Variants in RGS6 observed in about 807,000 individuals in gnomAD.
RGS6 encodes the protein regulator of G protein signaling 6, also known as regulator of G-protein signaling 6.
A neutral mutation model predicts 78.5 loss-of-function variants in RGS6; 30 were observed. The observed-to-expected ratio is 0.38, with a 90% CI of 0.29 to 0.52. The LOEUF is 0.52. Ranked by LOEUF, RGS6 falls within the 20% of genes least tolerant of loss-of-function variation. The probability of loss-of-function intolerance (pLI) is 0.85; values close to 1 mark genes in which losing one functional copy is unlikely to be tolerated. For missense variants in RGS6, 495 were observed against 609.7 expected (o/e 0.81, Z 1.98); for synonymous variants, 206 against 206.0 (o/e 1.00, Z 0.00).
chr14:72,208,051 G>C (rs2043113752), intron 2 of RGS6, among the ~76,000 whole-genome samples: 1 of 152,138 alleles, frequency 6.6e-6, no homozygotes, highest in Admixed American at 6.5e-5. Flanking sequence ...GTTGAAGTTG[G>C]TTCTACCCTC....
the RGS6 span, among the ~76,000 whole-genome samples, chr14:71,884,365 G>A: frequency 2.6e-5 from 4 of 152,238 alleles, no homozygotes; most frequent in Non-Finnish European, 5.9e-5. Context: ...AGCACAAAGT[G>A]TCTTAAGCCT....
At chr14:71,894,671 T>A in the RGS6 span, among the ~76,000 whole-genome samples, 5 of 152,238 alleles carry the variant, frequency 3.3e-5, no homozygotes, top group African/African-American at 1.2e-4. Context: ...TTGAGTGAAC[T>A]TTTCAGGAAA....
chr14:71,903,318 C>A, the RGS6 span, among the ~76,000 whole-genome samples: 2 of 152,212 alleles, frequency 1.3e-5, no homozygotes, highest in Admixed American at 1.3e-4. Context: ...TCATCTCCCT[C>A]TTCCTGGCAC....
chr14:72,474,285 C>G (rs1471853721), intron 9 of RGS6, among the ~76,000 whole-genome samples: 1 of 148,938 alleles, frequency 6.7e-6, no homozygotes, highest in African/African-American at 2.6e-5. Context: ...AAATAAATAG[C>G]TACTCATCCT....
In RGS6 at chr14:72,383,213, T is replaced by TATATATATATATATAC. The variant is rs1387301746; in HGVS notation, c.184+31020_184+31021insTATATATATATATACA. Among the ~76,000 whole-genome samples, 85 of 118,310 alleles carry TATATATATATATATAC rather than the reference T, an allele frequency of 7.2e-4. 8 individuals are homozygous for TATATATATATATATAC. The highest frequency in any genetic ancestry group is 1.8e-3 in the South Asian group (6 of 3,348). 77.6% of individuals were successfully genotyped at this position (118,310 alleles called of 152,430 possible). A position where few individuals can be genotyped will look rare whatever the true frequency, so the allele number is the denominator to read the frequency against. ...ATATATATATATATATATATATATA[T>TATATATATATATATAC]ACACACAAACACACTAGTATGTGTG... On this transcript the variant is annotated intron_variant, in intron 3 of 17. Transcript: ENST00000553525.
intron 14 of RGS6, among the ~76,000 whole-genome samples, chr14:72,514,287 G>A (rs561247430): frequency 1.3e-5 from 2 of 152,232 alleles, no homozygotes; most frequent in South Asian, 2.1e-4. Flanking sequence ...TTTTTCTCTG[G>A]GAGCGAACCA....
intron 2 of RGS6, among the ~76,000 whole-genome samples, chr14:72,011,381 C>T (rs1330116653): frequency 2.0e-5 from 3 of 152,138 alleles, no homozygotes; most frequent in Non-Finnish European, 4.4e-5. Flanking sequence ...ATTTGAAAGC[C>T]TCCGATGACT....
intron 2 of RGS6, among the ~76,000 whole-genome samples, chr14:72,145,431 G>A (rs560818449): frequency 6.6e-6 from 1 of 152,278 alleles, no homozygotes; most frequent in South Asian, 2.1e-4. Context: ...AAACAAGATG[G>A]AGTAGGTTAG....
At chr14:72,396,001 A>T (rs1425283405) in intron 3 of RGS6, among the ~76,000 whole-genome samples, 2 of 152,124 alleles carry the variant, frequency 1.3e-5, no homozygotes, top group Admixed American at 1.3e-4. Context: ...ATACGTGAGC[A>T]TGTGTCTTTA....
At chr14:72,575,269 G>T in the RGS6 span, among the ~76,000 whole-genome samples, 1 of 152,136 alleles carries the variant, frequency 6.6e-6, no homozygotes, top group Non-Finnish European at 1.5e-5. Flanking sequence ...GATGGAGAAG[G>T]TGAGGGCCCT....
chr14:72,332,216 C>T (rs1252797640), intron 2 of RGS6, among the ~76,000 whole-genome samples: 1 of 152,178 alleles, frequency 6.6e-6, no homozygotes, highest in African/African-American at 2.4e-5. Context: ...GAACTAAGCT[C>T]CTCCCAGCTC....
chr14:71,948,963 C>A (rs1300907936), intron 1 of RGS6, among the ~76,000 whole-genome samples: 1 of 152,006 alleles, frequency 6.6e-6, no homozygotes, highest in Admixed American at 6.6e-5. Flanking sequence ...TCCTTATGCA[C>A]AACATTGTTT....
the RGS6 span, among the ~76,000 whole-genome samples, chr14:71,915,439 G>C: frequency 6.6e-6 from 1 of 152,038 alleles, no homozygotes; most frequent in African/African-American, 2.4e-5. Flanking sequence ...CTTGTAGTCA[G>C]AGAGATGCCT....
chr14:72,494,691 C>T (rs1043712159), intron 12 of RGS6, among the ~76,000 whole-genome samples: 6 of 152,132 alleles, frequency 3.9e-5, no homozygotes, highest in Admixed American at 2.0e-4. Context: ...TTGTGGTCTG[C>T]TGATATTTAA....
At chr14:71,961,180 T>C (rs1010832398) in intron 1 of RGS6, among the ~76,000 whole-genome samples, 1 of 152,180 alleles carries the variant, frequency 6.6e-6, no homozygotes, top group Non-Finnish European at 1.5e-5. Context: ...TTTGAGACAT[T>C]GAGTGCTGTC....
chr14:72,257,859 A>G (rs113517812), intron 2 of RGS6, among the ~76,000 whole-genome samples: 22 of 152,184 alleles, frequency 1.4e-4, no homozygotes, highest in African/African-American at 5.1e-4. Flanking sequence ...CATGAAGTCA[A>G]TGGAAAAGAA....
In RGS6 at chr14:72,544,470, T is replaced by C. The variant is rs143108476; in HGVS notation, c.1422+4376T>C. The stretch of plus-strand genomic sequence containing the variant: ...AAAGATAGATAGATAGAAAATGGGG[T>C]TGCTGGTGCCAGAGCAAGCACTGGA... On this transcript the variant is annotated intron_variant, in intron 17 of 17. Coordinates refer to ENST00000553525, the MANE Select transcript of RGS6 (RefSeq NM_001204424.2). 4.7e-4 allele frequency among the ~76,000 whole-genome samples: 71 copies of C among 152,048 alleles called. No homozygotes were observed. In the East Asian group the frequency reaches 0.012, roughly 26 times the overall value.
intron 3 of RGS6, among the ~76,000 whole-genome samples, chr14:72,445,120 AAGG>A (rs2153220780): frequency 6.6e-6 from 1 of 152,352 alleles, no homozygotes; most frequent in East Asian, 1.9e-4. Flanking sequence ...TAATAAGGAA[AAGG>A]AGGAGGCTTT....
At chr14:71,976,280 C>T (rs1378556455) in intron 2 of RGS6, among the ~76,000 whole-genome samples, 3 of 145,132 alleles carry the variant, frequency 2.1e-5, no homozygotes, top group African/African-American at 7.7e-5. Context: ...AATTATTATA[C>T]TTTAAGTTTT....
Sources: gnomAD v4.1 joint callset for allele counts (sites outside exome capture counted in the v4.1 genomes callset) on GRCh38, gnomAD v4.1.1 for gene constraint, MANE v1.5 for transcripts, NCBI Gene and HGNC (gene_info 2026-07-23, HGNC 2026-07-21) for gene names.